Variants in ALS2CL observed in about 807,000 individuals in gnomAD.
The protein encoded by ALS2CL is ALS2 C-terminal like.
ALS2CL carries 112 observed loss-of-function variants against 127.9 expected under a neutral mutation model. The ratio of observed to expected loss-of-function variants is 0.88; its 90% CI spans 0.75 to 1.02. The LOEUF is 1.02. Among genes scored for constraint, ALS2CL ranks in the 50% least tolerant of loss-of-function variants. The probability of loss-of-function intolerance (pLI) is 0.00; values close to 1 mark genes in which losing one functional copy is unlikely to be tolerated. For synonymous variants in ALS2CL, 519 were observed against 527.6 expected, an observed-to-expected ratio of 0.98 and a Z score of 0.22; for missense variants, 1,174 against 1,236.7, an observed-to-expected ratio of 0.95 and a Z score of 0.76.
intron 1 of ALS2CL, among the ~76,000 whole-genome samples, chr3:46,691,135 G>T (rs139500898): frequency 6.6e-6 from 1 of 152,168 alleles, no homozygotes; most frequent in East Asian, 1.9e-4. Flanking sequence ...GTCAGCTCAG[G>T]CAGACAAGGA....
intron 15 of ALS2CL, among the ~76,000 whole-genome samples, chr3:46,678,733 G>C (rs1179390498): frequency 1.3e-5 from 2 of 152,234 alleles, no homozygotes. Context: ...GGAGGGCGGT[G>C]TCTTGCCACA....
At chr3:46,688,530 C>T (rs987513505) in intron 2 of ALS2CL, among the ~76,000 whole-genome samples, 7 of 152,172 alleles carry the variant, frequency 4.6e-5, no homozygotes, top group Non-Finnish European at 8.8e-5. Flanking sequence ...ACAGGAGACA[C>T]ACCCACTCCT....
Position 46,672,041 on chromosome 3 carries a change from A to C in ALS2CL, c.2535-8T>G, listed in dbSNP as rs1159935771. 2.5e-6 allele frequency: 4 copies of C among 1,613,570 alleles called. No homozygotes were observed. The highest frequency in any genetic ancestry group is 1.7e-5 in the Admixed American group (1 of 60,004). ...CGTGGGTCCACCGTGGTCCTGCAGC[A>C]GGGTAGCTGGCTCCAGGTCAAGGCC... On this transcript the variant is annotated splice_region_variant and splice_polypyrimidine_tract_variant and intron_variant, in intron 23 of 25. Coordinates refer to ENST00000318962, the MANE Select transcript of ALS2CL (RefSeq NM_147129.5).
chr3:46,677,521 G>T, intron 16 of ALS2CL: 1 of 464,812 alleles, frequency 2.2e-6, no homozygotes, highest in East Asian at 1.5e-4. Flanking sequence ...CTCACACCCA[G>T]GCTGGGGCCT....
Position 46,687,209 on chromosome 3 carries a change from G to A in ALS2CL, c.369-61C>T, listed in dbSNP as rs191210906. On this transcript the variant is annotated intron_variant, in intron 4 of 25. Coordinates refer to ENST00000318962, the MANE Select transcript of ALS2CL (RefSeq NM_147129.5). ...CTTCCTCCATTCCTGCACCCACACC[G>A]CCACCTCCCTGCCCCAGCTAATCCC... is the stretch of plus-strand genomic sequence containing the variant. 9.4e-5 allele frequency: 135 copies of A among 1,440,702 alleles called. No individual in the cohort carries two copies. In the East Asian group the frequency reaches 2.2e-3, roughly 24 times the overall value. The allele number at this position is 1,440,702 out of a possible 1,614,324, so 89.2% of individuals were successfully genotyped here.
chr3:46,682,743 T>G (rs534651306), intron 10 of ALS2CL, among the ~76,000 whole-genome samples: 1 of 152,272 alleles, frequency 6.6e-6, no homozygotes, highest in Non-Finnish European at 1.5e-5. Context: ...ATGAAATGGG[T>G]AAAAGCACTC....
At position 46,683,227 on chromosome 3, in the gene ALS2CL, G is replaced by T; in HGVS notation, c.1012C>A (p.Pro338Thr). 1 of 1,608,786 alleles carries T rather than the reference G, an allele frequency of 6.2e-7. No homozygotes were observed. The change falls in exon 10 of 26, where the codon CCC becomes ACC. Residue 338 changes from proline to threonine, a missense_variant. Transcript: ENST00000318962. The part of the protein sequence containing the change: ...LGAGLEPSQP[P>T]DCRCAEYTFQ... ...GTATATTCTGCGCAGCGGCAGTCGG[G>T]AGGCTGGGAGGGCTCCAGGCCAGCC...
Position 46,683,749 on chromosome 3 carries a change from C to T in ALS2CL, c.912+33G>A, listed in dbSNP as rs72892141. On this transcript the variant is annotated intron_variant, in intron 9 of 25. Coordinates refer to ENST00000318962, the MANE Select transcript of ALS2CL (RefSeq NM_147129.5). ...CTCTTCCTACCCTGTCCTCTGACCC[C>T]GCTCCCGCAGTTCACAGCTCACCCA... is the stretch of plus-strand genomic sequence containing the variant. The T allele has an allele frequency of 1.5e-3, 2,392 of 1,611,188 alleles. 26 individuals carry two copies. The African/African-American group carries it at 0.027, about 18-fold the overall frequency.
Position 46,683,260 on chromosome 3 carries a change from C to A in ALS2CL, c.979G>T (p.Val327Leu). 6.2e-7 allele frequency: 1 copy of A among 1,609,748 alleles called. No individual in the cohort carries two copies. The highest frequency in any genetic ancestry group is 8.5e-7 in the Non-Finnish European group (1 of 1,178,228). ...GAGGGCTCCAGGCCAGCCCCCAGCACGGGGAAGTCCTTCTTCCCATGCAGG... is the reference window on the plus strand; with the variant it reads ...GAGGGCTCCAGGCCAGCCCCCAGCAAGGGGAAGTCCTTCTTCCCATGCAGG... ...QALHGKKDFP[V>L]LGAGLEPSQP... Residue 327 changes from valine (V) to leucine (L), a missense_variant, in exon 10 of 26, where the codon GTG (valine) becomes TTG (leucine). Val to Leu is a conservative substitution (Grantham distance 32). Coordinates refer to ENST00000318962, the MANE Select transcript of ALS2CL (RefSeq NM_147129.5).
rs955302660 is a variant in ALS2CL, at chr3:46,681,772, T to A, written c.1176-174A>T. ...AAGGGCCCCTCTCAGGACCCCTCCC[T>A]CCAGCCTGGTCCCGAGCACCTTGGA... On this transcript the variant is annotated intron_variant, in intron 11 of 25. Coordinates refer to ENST00000318962, the MANE Select transcript of ALS2CL (RefSeq NM_147129.5). This position sits in a 1 kb window ranked among gnomAD's most constrained non-coding sequence, Gnocchi z 4.9. Among the ~76,000 whole-genome samples the A allele has an allele frequency of 6.6e-6, 1 of 152,028 alleles. No homozygotes were observed. The highest frequency in any genetic ancestry group is 1.5e-5 in the Non-Finnish European group (1 of 67,978).
intron 1 of ALS2CL, among the ~76,000 whole-genome samples, chr3:46,691,652 C>A (rs1700160934): frequency 6.6e-6 from 1 of 152,032 alleles, no homozygotes; most frequent in Non-Finnish European, 1.5e-5. Flanking sequence ...TCAGCCACCC[C>A]TCTACGAAAT....
At position 46,683,218 on chromosome 3, in the gene ALS2CL, G is replaced by A. The variant is rs372117335; in HGVS notation, c.1021C>T (p.Arg341Cys). The change falls in exon 10 of 26, where the codon CGC becomes TGC. Residue 341 changes from arginine (R) to cysteine (C), a missense_variant. By Grantham distance (180) the Arg-to-Cys change is radical. Coordinates refer to ENST00000318962, the MANE Select transcript of ALS2CL (RefSeq NM_147129.5). ...GCCTGGAAGGTATATTCTGCGCAGC[G>A]GCAGTCGGGAGGCTGGGAGGGCTCC... Reference protein sequence around the residue: ...GLEPSQPPDCRCAEYTFQAEG... With the variant: ...GLEPSQPPDCCCAEYTFQAEG... The A allele has an allele frequency of 1.8e-5, 29 of 1,609,442 alleles. No homozygotes were observed. Among genetic ancestry groups the A allele is most frequent in the African/African-American group, 8.0e-5 (6 of 74,736 alleles).
intron 4 of ALS2CL, 113 bp from the exon 5 acceptor site, chr3:46,687,261 C>T: frequency 8.3e-7 from 1 of 1,206,854 alleles, no homozygotes; most frequent in Non-Finnish European, 1.1e-6. Flanking sequence ...AGCCCCAGGC[C>T]CAAAACCTCT....
intron 22 of ALS2CL, 45 bp from the exon 23 acceptor site, chr3:46,672,246 G>A (rs763620570): frequency 9.3e-6 from 15 of 1,608,402 alleles, no homozygotes; most frequent in Admixed American, 1.7e-5. Context: ...TGGCCCCCCA[G>A]CTCTGACATC....
At position 46,683,858 on chromosome 3, in the gene ALS2CL, C is replaced by T. The variant is rs200416064; in HGVS notation, c.846-10G>A. The T allele has an allele frequency of 2.3e-4, 378 of 1,614,108 alleles. No individual in the cohort carries two copies. Among genetic ancestry groups the T allele is most frequent in the Non-Finnish European group, 2.9e-4 (340 of 1,179,982 alleles). ...GAGGTGAAACGTGCACCTAGACAGA[C>T]GGAGGTGATGAGTAGGCCCCAGCTT... is the stretch of plus-strand genomic sequence containing the variant. On this transcript the variant is annotated splice_polypyrimidine_tract_variant and intron_variant, in intron 8 of 25. Coordinates refer to ENST00000318962, the MANE Select transcript of ALS2CL (RefSeq NM_147129.5).
intron 19 of ALS2CL, 86 bp from the exon 20 acceptor site, chr3:46,675,772 G>T (rs767212611): frequency 4.4e-6 from 7 of 1,599,884 alleles, no homozygotes; most frequent in South Asian, 3.3e-5. Flanking sequence ...GCAAAAGCAG[G>T]TGGCCTCTCA....
chr3:46,690,088 G>A (rs984285957), intron 1 of ALS2CL, among the ~76,000 whole-genome samples: 3 of 152,224 alleles, frequency 2.0e-5, no homozygotes, highest in African/African-American at 7.2e-5. Context: ...AAAGGCTCAT[G>A]GGTGTGAGGG....
chr3:46,685,768 G>C, intron 6 of ALS2CL, 124 bp from the exon 7 acceptor site: 1 of 1,365,568 alleles, frequency 7.3e-7, no homozygotes, highest in South Asian at 1.5e-5. Context: ...GACCTGGAGC[G>C]GACCCTGGGT....
chr3:46,688,119 C>T lies in ALS2CL; in HGVS notation c.281G>A (p.Arg94His), dbSNP rs200224258. The change falls in exon 3 of 26, where the codon CGT becomes CAT. Residue 94 changes from arginine (R) to histidine (H), a missense_variant. Arg to His is a conservative substitution (Grantham distance 29). Coordinates refer to ENST00000318962, the MANE Select transcript of ALS2CL (RefSeq NM_147129.5). Reference protein sequence around the residue: ...ESLLLLRGADRVLQAHIEYIE... With the variant: ...ESLLLLRGADHVLQAHIEYIE... ...TTACTCTATGTGGGCCTGCAGTACACGGTCAGCACCTCGCAGCAGCAGCAG... is the reference window on the plus strand; with the variant it reads ...TTACTCTATGTGGGCCTGCAGTACATGGTCAGCACCTCGCAGCAGCAGCAG... 4.2e-5 allele frequency: 67 copies of T among 1,613,218 alleles called. No homozygotes were observed. In the Admixed American group the frequency reaches 7.8e-4, roughly 19 times the overall value.
Sources: allele counts gnomAD v4.1 joint callset (sites outside exome capture counted in the v4.1 genomes callset), GRCh38; gene constraint gnomAD v4.1.1; non-coding constraint Gnocchi (gnomAD v3.1); transcripts MANE v1.5; gene names NCBI Gene and HGNC (gene_info 2026-07-23, HGNC 2026-07-21).